Variants in BNC2 observed in about 807,000 individuals in gnomAD.
BNC2 encodes the protein basonuclin zinc finger protein 2, also known as zinc finger protein basonuclin-2.
Under a neutral mutation model 76.3 loss-of-function variants are expected in BNC2, and 20 were observed. The ratio of observed to expected loss-of-function variants is 0.26; its 90% CI spans 0.18 to 0.38. The LOEUF is 0.38. Ranked by LOEUF, BNC2 falls within the 10% of genes least tolerant of loss-of-function variation. BNC2 has a pLI of 1.00. For synonymous variants in BNC2, 582 were observed against 514.8 expected (o/e 1.13, Z -1.77); for missense variants, 1,382 against 1,399.8 (o/e 0.99, Z 0.20).
At chr9:16,550,214 C>T (rs1457666432) in intron 5 of BNC2, among the ~76,000 whole-genome samples, 1 of 152,106 alleles carries the variant, frequency 6.6e-6, no homozygotes, top group Non-Finnish European at 1.5e-5. Context: ...GCTCTGAATG[C>T]GGCCCAACAC....
At chr9:16,761,079 C>CA (rs397933346) in intron 1 of BNC2, among the ~76,000 whole-genome samples, 69,459 of 145,122 alleles carry the variant, frequency 0.48, 20,480 homozygotes, top group Non-Finnish European at 0.69. Context: ...CCCGTCTCTA[C>CA]AAAAAAAAAA....
intron 3 of BNC2, among the ~76,000 whole-genome samples, chr9:16,718,350 T>C (rs907671699): frequency 1.2e-4 from 18 of 152,160 alleles, no homozygotes; most frequent in Admixed American, 5.9e-4. Context: ...TTATAATAGA[T>C]GACAAAAATA....
chr9:16,737,540 G>C (rs1318845019), intron 2 of BNC2, among the ~76,000 whole-genome samples: 1 of 110,324 alleles, frequency 9.1e-6, no homozygotes, highest in South Asian at 3.1e-4. Flanking sequence ...GTGAGCCACC[G>C]TGCCTGGCTT....
At chr9:16,548,956 T>C (rs1243837073) in intron 5 of BNC2, among the ~76,000 whole-genome samples, 2 of 152,238 alleles carry the variant, frequency 1.3e-5, no homozygotes, top group African/African-American at 4.8e-5. Flanking sequence ...TTGTGAATTA[T>C]ATAGACACTC....
chr9:16,759,617 C>A (rs1825493274), intron 1 of BNC2, among the ~76,000 whole-genome samples: 1 of 152,028 alleles, frequency 6.6e-6, no homozygotes, highest in South Asian at 2.1e-4. Flanking sequence ...TATATAATTC[C>A]ATTTTATTGG....
intron 5 of BNC2, among the ~76,000 whole-genome samples, chr9:16,527,366 A>G (rs542897584): frequency 3.9e-5 from 6 of 152,288 alleles, no homozygotes; most frequent in African/African-American, 1.4e-4. Context: ...TTCACCACCC[A>G]TCTTATCTCC....
intron 5 of BNC2, among the ~76,000 whole-genome samples, chr9:16,524,083 T>G (rs1256263829): frequency 6.6e-6 from 1 of 152,226 alleles, no homozygotes; most frequent in Non-Finnish European, 1.5e-5. Context: ...CACCTTTTCC[T>G]CTTTACTACC....
chr9:16,510,518 G>A (rs1822729245), intron 5 of BNC2, among the ~76,000 whole-genome samples: 1 of 152,146 alleles, frequency 6.6e-6, no homozygotes, highest in South Asian at 2.1e-4. Flanking sequence ...CAAAGTCAGG[G>A]AAATTCACCA....
At chr9:16,552,365 C>T (rs1364975320) in intron 5 of BNC2, among the ~76,000 whole-genome samples, 165 bp downstream of exon 5, 1 of 152,178 alleles carries the variant, frequency 6.6e-6, no homozygotes, top group African/African-American at 2.4e-5. Context: ...CCGATGGTGG[C>T]CTGCTTTGTC....
intron 5 of BNC2, among the ~76,000 whole-genome samples, chr9:16,481,444 T>G (rs1367599459): frequency 2.6e-5 from 4 of 152,014 alleles, no homozygotes; most frequent in Non-Finnish European, 1.5e-5. Flanking sequence ...GTCTGCAACT[T>G]CACTCCTGAA....
At chr9:16,632,276 TCAGA>T (rs1250153972) in intron 3 of BNC2, among the ~76,000 whole-genome samples, 1 of 152,176 alleles carries the variant, frequency 6.6e-6, no homozygotes, top group Admixed American at 6.5e-5. Flanking sequence ...GATCTCAGGA[TCAGA>T]CAGTCTTGCT....
chr9:16,474,098 T>C (rs894986316), intron 5 of BNC2, among the ~76,000 whole-genome samples: 5 of 152,148 alleles, frequency 3.3e-5, no homozygotes, highest in African/African-American at 1.2e-4. Context: ...TGATGTAGCA[T>C]TTGCTTTAAA....
intron 5 of BNC2, among the ~76,000 whole-genome samples, chr9:16,508,352 G>A (rs1477886055): frequency 6.6e-6 from 1 of 152,026 alleles, no homozygotes; most frequent in Admixed American, 6.6e-5. Context: ...CACATACTTG[G>A]GTAGACTGTA....
chr9:16,699,934 A>T (rs1823458036), intron 3 of BNC2, among the ~76,000 whole-genome samples: 1 of 152,220 alleles, frequency 6.6e-6, no homozygotes, highest in South Asian at 2.1e-4. Context: ...ATATTACAGA[A>T]TTATCATGGC....
intron 1 of BNC2, among the ~76,000 whole-genome samples, chr9:16,813,874 A>C (rs140328765): frequency 1.3e-5 from 2 of 152,320 alleles, no homozygotes; most frequent in Non-Finnish European, 2.9e-5. Context: ...AGCAGAAATA[A>C]AAGCAATGGG....
chr9:16,578,554 C>G (rs1413683314), intron 4 of BNC2, among the ~76,000 whole-genome samples: 2 of 151,992 alleles, frequency 1.3e-5, no homozygotes, highest in Admixed American at 6.6e-5. Flanking sequence ...CTAGTTGTAC[C>G]AGCTAATTTT....
chr9:16,831,509 C>G (rs1660496184), intron 1 of BNC2, among the ~76,000 whole-genome samples: 1 of 152,210 alleles, frequency 6.6e-6, no homozygotes. Context: ...TGCGTTGACT[C>G]TCATGTCAAA....
At chr9:16,627,435 G>T (rs1387243135) in intron 3 of BNC2, among the ~76,000 whole-genome samples, 1 of 144,560 alleles carries the variant, frequency 6.9e-6, no homozygotes, top group Non-Finnish European at 1.6e-5. Context: ...CTGTGCAGTT[G>T]TAAAATATTC....
chr9:16,421,171 C>T (rs563897086), intron 6 of BNC2: 38 of 828,078 alleles, frequency 4.6e-5, no homozygotes, highest in Middle Eastern at 4.5e-4. Flanking sequence ...ACTTCTCCAC[C>T]TTTCCACACA....
Sources: allele counts gnomAD v4.1 joint callset (sites outside exome capture counted in the v4.1 genomes callset), GRCh38; gene constraint gnomAD v4.1.1; transcripts MANE v1.5; gene names NCBI Gene and HGNC (gene_info 2026-07-23, HGNC 2026-07-21).